TTLL11: variants seen among roughly 807,000 people sequenced by gnomAD.
The protein encoded by TTLL11 is tubulin polyglutamylase TTLL11.
In TTLL11, 42 loss-of-function variants were observed where a neutral mutation model predicts 51.7. The ratio of observed to expected loss-of-function variants is 0.81; its 90% CI spans 0.64 to 1.05. The LOEUF is 1.05. Among genes scored for constraint, TTLL11 ranks in the 50% least tolerant of loss-of-function variants. TTLL11 has a pLI of 0.00. For missense variants in TTLL11, 799 were observed against 940.4 expected, an observed-to-expected ratio of 0.85 and a Z score of 1.97; for synonymous variants, 381 against 383.5, an observed-to-expected ratio of 0.99 and a Z score of 0.08.
chr9:122,061,493 T>C (rs777482173), intron 1 of TTLL11, among the ~76,000 whole-genome samples: 1 of 152,212 alleles, frequency 6.6e-6, no homozygotes, highest in Non-Finnish European at 1.5e-5. Context: ...GTGGAATTTT[T>C]GGGGTTGAAG....
At chr9:122,076,321 T>TCTGCATGTGGTCCGGCCC (rs1845858133) in intron 1 of TTLL11, among the ~76,000 whole-genome samples, 1 of 152,184 alleles carries the variant, frequency 6.6e-6, no homozygotes, top group African/African-American at 2.4e-5. Context: ...TGGTCTGGCC[T>TCTGCATGTGGTCCGGCCC]CTGCATGTGG....
At position 121,853,634 on chromosome 9, in the gene TTLL11, G is replaced by A. The variant is rs537498865; in HGVS notation, c.1840+6703C>T. ...CAGTGACTGCAGGCAGCTGGGGGCC[G>A]GCACAGGCCTGTAAGTGATGGGAGC... On this transcript the variant is annotated intron_variant, in intron 8 of 8. Coordinates refer to ENST00000321582, the MANE Select transcript of TTLL11 (RefSeq NM_001139442.2). This position sits in a 1 kb window ranked among gnomAD's most constrained non-coding sequence, Gnocchi z 5.6. 3.3e-5 allele frequency among the ~76,000 whole-genome samples: 5 copies of A among 152,278 alleles called. No individual in the cohort carries two copies. Among genetic ancestry groups the A allele is most frequent in the South Asian group, 2.1e-4 (1 of 4,824 alleles).
chr9:121,829,019 A>G (rs906598153), intron 8 of TTLL11, among the ~76,000 whole-genome samples: 1 of 151,100 alleles, frequency 6.6e-6, no homozygotes, highest in Non-Finnish European at 1.5e-5. Context: ...GTGCAGTGGC[A>G]TGATCTTGGC....
At chr9:121,861,344 T>C (rs1159215967) in intron 7 of TTLL11, among the ~76,000 whole-genome samples, 1 of 152,224 alleles carries the variant, frequency 6.6e-6, no homozygotes. Context: ...CCCCAAGTGC[T>C]GGGATTACAG....
At chr9:121,943,520 A>T (rs866084784) in intron 6 of TTLL11, among the ~76,000 whole-genome samples, 6 of 152,206 alleles carry the variant, frequency 3.9e-5, no homozygotes, top group Non-Finnish European at 4.4e-5. Context: ...ACAATGGAAG[A>T]TCATTTAGGC....
rs1254503839 is a variant in TTLL11 at position 121,860,308 on chromosome 9, A to G, written c.1840+29T>C. The G allele has an allele frequency of 9.8e-6, 15 of 1,523,942 alleles. No individual in the cohort carries two copies. The East Asian group carries it at 2.5e-4, about 25-fold the overall frequency. The allele number at this position is 1,523,942 out of a possible 1,614,324, so 94.4% of individuals were successfully genotyped here. ...CACCCATGCCTGTCAGGACCCCCAC[A>G]GGCCATGGCAGAGGCATTTGTCAAA... On this transcript the variant is annotated intron_variant, in intron 8 of 8. Coordinates refer to ENST00000321582, the MANE Select transcript of TTLL11 (RefSeq NM_001139442.2).
chr9:121,949,004 A>G (rs1234818329), intron 6 of TTLL11, among the ~76,000 whole-genome samples: 1 of 152,132 alleles, frequency 6.6e-6, no homozygotes, highest in Non-Finnish European at 1.5e-5. Flanking sequence ...CTTGGAGGTG[A>G]GAATGACCTT....
At chr9:121,875,668 T>A (rs937682843) in intron 6 of TTLL11, among the ~76,000 whole-genome samples, 1 of 152,218 alleles carries the variant, frequency 6.6e-6, no homozygotes, top group Non-Finnish European at 1.5e-5. Context: ...ATTATCATGT[T>A]GAGATCCAAG....
rs139496911 is a variant in TTLL11 at position 121,967,371 on chromosome 9, C to T, written c.1481+6638G>A. Among the ~76,000 whole-genome samples, 338 of 151,750 alleles carry T rather than the reference C, an allele frequency of 2.2e-3. 2 individuals are homozygous for T. The highest frequency in any genetic ancestry group is 7.9e-3 in the African/African-American group (327 of 41,390). The stretch of plus-strand genomic sequence containing the variant: ...TCCCGAGTAGCTGGGATTACAGGTG[C>T]CCACCACCAGGCCCAGCTAATTTTT... On this transcript the variant is annotated intron_variant, in intron 6 of 8. Coordinates refer to ENST00000321582, the MANE Select transcript of TTLL11 (RefSeq NM_001139442.2).
At chr9:122,089,587 A>G (rs1564393568) in intron 1 of TTLL11, among the ~76,000 whole-genome samples, 1 of 152,188 alleles carries the variant, frequency 6.6e-6, no homozygotes, top group Non-Finnish European at 1.5e-5. Context: ...GGGTGTCAAG[A>G]TGTGATGTAA....
intron 1 of TTLL11, among the ~76,000 whole-genome samples, chr9:122,040,745 T>C (rs1486961622): frequency 6.6e-6 from 1 of 152,220 alleles, no homozygotes; most frequent in Non-Finnish European, 1.5e-5. Flanking sequence ...GTCATTTAAA[T>C]CAGTCACATT....
chr9:122,039,166 A>C (rs573007431), intron 2 of TTLL11, 106 bp downstream of exon 2: 1 of 900,758 alleles, frequency 1.1e-6, no homozygotes, highest in South Asian at 1.6e-5. Context: ...CCCAATTAAG[A>C]GTCCTCAAAT....
At chr9:121,888,736 GA>G (rs1421975638) in intron 6 of TTLL11, among the ~76,000 whole-genome samples, 3 of 152,256 alleles carry the variant, frequency 2.0e-5, no homozygotes, top group Non-Finnish European at 2.9e-5. Context: ...CATGGAAGTA[GA>G]AAAAGATGTT....
At chr9:121,905,387 C>T (rs1029069773) in intron 6 of TTLL11, among the ~76,000 whole-genome samples, 3 of 148,696 alleles carry the variant, frequency 2.0e-5, no homozygotes, top group Non-Finnish European at 3.0e-5. Flanking sequence ...AGTCTTGCTT[C>T]GTCACCCAGG....
intron 3 of TTLL11, among the ~76,000 whole-genome samples, chr9:122,017,375 T>C (rs1844018446): frequency 6.6e-6 from 1 of 152,026 alleles, no homozygotes; most frequent in Non-Finnish European, 1.5e-5. Context: ...CTGGCACAGG[T>C]GTATAAAGAT....
chr9:121,928,018 T>A (rs549125928), intron 6 of TTLL11, among the ~76,000 whole-genome samples: 1 of 152,188 alleles, frequency 6.6e-6, no homozygotes, highest in South Asian at 2.1e-4. Context: ...TTGGATATTA[T>A]GGAACATGCA....
intron 1 of TTLL11, among the ~76,000 whole-genome samples, chr9:122,067,576 C>T (rs1187797665): frequency 1.3e-5 from 2 of 152,168 alleles, no homozygotes; most frequent in Admixed American, 6.5e-5. Flanking sequence ...GGCTGGAGTG[C>T]AATGGCGCGA....
At chr9:121,979,309 T>C (rs1438197648) in intron 4 of TTLL11, among the ~76,000 whole-genome samples, 1 of 152,140 alleles carries the variant, frequency 6.6e-6, no homozygotes, top group Non-Finnish European at 1.5e-5. Context: ...CTGGCCAACA[T>C]GTGGGCTGCA....
At chr9:122,074,342 A>G (rs1187861010) in intron 1 of TTLL11, among the ~76,000 whole-genome samples, 1 of 152,066 alleles carries the variant, frequency 6.6e-6, no homozygotes. Flanking sequence ...ACTTTAACAT[A>G]TGGAATATTT....
Sources: gnomAD v4.1 joint callset for allele counts (sites outside exome capture counted in the v4.1 genomes callset) on GRCh38, gnomAD v4.1.1 for gene constraint, Gnocchi (gnomAD v3.1) non-coding constraint, MANE v1.5 for transcripts, NCBI Gene and HGNC (gene_info 2026-07-23, HGNC 2026-07-21) for gene names.